The following CD2AP variants were observed in gnomAD, a reference collection of about 807,000 sequenced individuals.
The protein encoded by CD2AP is CD2-associated protein.
CD2AP carries 46 observed loss-of-function variants against 85.1 expected under a neutral mutation model. The ratio of observed to expected loss-of-function variants is 0.54; its 90% CI spans 0.43 to 0.69. The LOEUF is 0.69. CD2AP is among the 30% of genes least tolerant of loss of function. The probability of loss-of-function intolerance (pLI) is 0.00; values close to 1 mark genes in which losing one functional copy is unlikely to be tolerated. For synonymous variants in CD2AP, 255 were observed against 252.9 expected (o/e 1.01, Z -0.08); for missense variants, 769 against 729.5 (o/e 1.05, Z -0.62).
chr6:47,502,611 A>C (rs1472010139), intron 1 of CD2AP, among the ~76,000 whole-genome samples: 2 of 150,522 alleles, frequency 1.3e-5, no homozygotes, highest in Non-Finnish European at 2.9e-5. Flanking sequence ...CTCCTACCTC[A>C]GCCTCCCGAG....
intron 11 of CD2AP, 21 bp from the exon 12 acceptor site, chr6:47,595,840 G>T (rs911161399): frequency 1.2e-6 from 2 of 1,600,554 alleles, no homozygotes; most frequent in Admixed American, 1.7e-5. Flanking sequence ...TTAATAACTT[G>T]TGAAATATTT....
chr6:47,528,070 AATACAG>A (rs1240464370), intron 2 of CD2AP, among the ~76,000 whole-genome samples: 13 of 152,214 alleles, frequency 8.5e-5, no homozygotes, highest in African/African-American at 2.4e-4. Flanking sequence ...TATCATTTCT[AATACAG>A]ATATATCATT....
At chr6:47,495,497 A>G (rs1247657331) in intron 1 of CD2AP, among the ~76,000 whole-genome samples, 1 of 152,130 alleles carries the variant, frequency 6.6e-6, no homozygotes, top group African/African-American at 2.4e-5. Flanking sequence ...CAAGCTACCC[A>G]CTTTGTGATG....
rs1769901165 is a variant in CD2AP, at chr6:47,626,166, T to C, written c.*1939T>C. ...CTTAAAGTTTTTGTTGGTCATTTTC[T>C]CAATAGTACATGAAATCAAGATGCT... On this transcript the variant is annotated 3_prime_UTR_variant, in exon 18 of 18. Transcript: ENST00000359314. The C allele has an allele frequency of 6.6e-6, 1 of 151,966 alleles. No individual in the cohort carries two copies. 9.4% of individuals were successfully genotyped at this position (151,966 alleles called of 1,614,324 possible).
chr6:47,486,932 T>G (rs1765579128), intron 1 of CD2AP, among the ~76,000 whole-genome samples: 1 of 152,218 alleles, frequency 6.6e-6, no homozygotes. Flanking sequence ...CTTTTAAATG[T>G]ATATACTATT....
chr6:47,521,032 CT>C (rs1478731907), intron 2 of CD2AP, among the ~76,000 whole-genome samples: 3 of 151,938 alleles, frequency 2.0e-5, no homozygotes, highest in African/African-American at 7.3e-5. Flanking sequence ...GGTCTGCCTT[CT>C]TTTCAAAATT....
Position 47,549,359 on chromosome 6 carries a change from C to T in CD2AP, c.420+4653C>T, listed in dbSNP as rs180718902. On this transcript the variant is annotated intron_variant, in intron 4 of 17. Coordinates refer to ENST00000359314, the MANE Select transcript of CD2AP (RefSeq NM_012120.3). The stretch of plus-strand genomic sequence containing the variant: ...TGAGAAAAGAATTCAGCAAAGTTTC[C>T]GGGTACACAATTAATGTACACAAAT... 3.3e-5 allele frequency among the ~76,000 whole-genome samples: 5 copies of T among 150,730 alleles called. No homozygotes were observed. The East Asian group carries it at 5.8e-4, about 18-fold the overall frequency.
chr6:47,488,827 G>A (rs556591850), intron 1 of CD2AP, among the ~76,000 whole-genome samples: 2 of 152,184 alleles, frequency 1.3e-5, no homozygotes, highest in East Asian at 3.9e-4. Context: ...GAAGGTCGAG[G>A]CTACAGCGAG....
Position 47,577,056 on chromosome 6 carries a change from G to A in CD2AP, c.856G>A (p.Asp286Asn). 1.3e-6 allele frequency: 2 copies of A among 1,545,358 alleles called. No homozygotes were observed. Among genetic ancestry groups the A allele is most frequent in the South Asian group, 2.2e-5 (2 of 89,544 alleles). ...TLFAYEGTNE[D>N]ELTFKEGEII... ...ATTTGCCTATGAAGGTACTAATGAAGATGAACTTACTTTTAAAGAGGGGGA... is the reference window on the plus strand; with the variant it reads ...ATTTGCCTATGAAGGTACTAATGAAAATGAACTTACTTTTAAAGAGGGGGA... The change falls in exon 8 of 18, where the codon GAT (aspartate) becomes AAT (asparagine). Residue 286 changes from aspartate to asparagine, a missense_variant. Coordinates refer to ENST00000359314, the MANE Select transcript of CD2AP (RefSeq NM_012120.3).
chr6:47,554,172 A>G (rs568304677), intron 4 of CD2AP, among the ~76,000 whole-genome samples: 1 of 152,214 alleles, frequency 6.6e-6, no homozygotes, highest in South Asian at 2.1e-4. Flanking sequence ...TGGGCTCTCA[A>G]AGTGCTGGGA....
At position 47,520,595 on chromosome 6, in the gene CD2AP, G is replaced by A. The variant is rs755139160; in HGVS notation, c.166-13007G>A. ...ATACTGGGCCTTTTCTGGTAACCATGCCTCTGGTGGGTGGTGGTTGGGGGC... is the reference window on the plus strand; with the variant it reads ...ATACTGGGCCTTTTCTGGTAACCATACCTCTGGTGGGTGGTGGTTGGGGGC... On this transcript the variant is annotated intron_variant, in intron 2 of 17. Coordinates refer to ENST00000359314, the MANE Select transcript of CD2AP (RefSeq NM_012120.3). Among the ~76,000 whole-genome samples the A allele has an allele frequency of 8.1e-4, 123 of 152,276 alleles. 1 individual carries two copies. The highest frequency in any genetic ancestry group is 2.8e-4 in the Non-Finnish European group (19 of 68,010).
At chr6:47,594,181 G>C (rs1768874547) in intron 11 of CD2AP, among the ~76,000 whole-genome samples, 1 of 152,040 alleles carries the variant, frequency 6.6e-6, no homozygotes, top group Non-Finnish European at 1.5e-5. Flanking sequence ...AAGTGTTTTA[G>C]AAGTAGATAA....
intron 5 of CD2AP, among the ~76,000 whole-genome samples, chr6:47,562,255 A>C (rs1190945365): frequency 1.3e-5 from 2 of 152,208 alleles, no homozygotes; most frequent in African/African-American, 2.4e-5. Flanking sequence ...ATGAGTATAG[A>C]AAAACCAACA....
At chr6:47,573,569 A>G (rs1014021836) in intron 5 of CD2AP, among the ~76,000 whole-genome samples, 3 of 149,240 alleles carry the variant, frequency 2.0e-5, no homozygotes, top group Admixed American at 6.7e-5. Context: ...GCTCACTGCA[A>G]GCTCCACCTC....
chr6:47,536,482 A>G (rs1316570086), intron 3 of CD2AP, among the ~76,000 whole-genome samples: 11 of 152,202 alleles, frequency 7.2e-5, no homozygotes, highest in Non-Finnish European at 1.2e-4. Context: ...TTGTCTAAGC[A>G]ACTACAAAGG....
At chr6:47,601,212 A>C (rs956517808) in intron 13 of CD2AP, among the ~76,000 whole-genome samples, 3 of 151,838 alleles carry the variant, frequency 2.0e-5, no homozygotes, top group Non-Finnish European at 2.9e-5. Context: ...CCCTATTTCT[A>C]TCTTTTATAC....
chr6:47,481,616 G>C (rs746758621), intron 1 of CD2AP, among the ~76,000 whole-genome samples: 68 of 152,318 alleles, frequency 4.5e-4, no homozygotes, highest in Non-Finnish European at 9.3e-4. Flanking sequence ...AAAGTGCTGG[G>C]ATTACAGGCG....
chr6:47,478,240 C>A lies in CD2AP; in HGVS notation c.-5C>A. The A allele has an allele frequency of 1.3e-6, 2 of 1,572,360 alleles. No homozygotes were observed. The highest frequency in any genetic ancestry group is 1.7e-6 in the Non-Finnish European group (2 of 1,159,354). ...CGTCGGCTTCTCCCCGCGGGAGCCC[C>A]CAGCATGGGTAAGAGACTCGGGCGC... On this transcript the variant is annotated 5_prime_UTR_variant, in exon 1 of 18. Coordinates refer to ENST00000359314, the MANE Select transcript of CD2AP (RefSeq NM_012120.3).
intron 3 of CD2AP, among the ~76,000 whole-genome samples, chr6:47,542,797 G>A (rs1264844863): frequency 4.6e-5 from 7 of 152,166 alleles, no homozygotes; most frequent in East Asian, 1.9e-4. Context: ...TTGCAGAAGC[G>A]AATAGGGGGT....
Sources: gnomAD v4.1 joint callset for allele counts (sites outside exome capture counted in the v4.1 genomes callset) on GRCh38, gnomAD v4.1.1 for gene constraint, MANE v1.5 for transcripts, NCBI Gene and HGNC (gene_info 2026-07-23, HGNC 2026-07-21) for gene names.